Variants in FOXP1 observed in about 807,000 individuals in gnomAD.
FOXP1 encodes the protein forkhead box protein P1.
FOXP1 carries 15 observed loss-of-function variants against 98.2 expected under a neutral mutation model. That is an observed-to-expected ratio of 0.15 (90% CI 0.10 to 0.24). The LOEUF (loss-of-function observed/expected upper bound fraction) is 0.24. Among genes scored for constraint, FOXP1 ranks in the 10% least tolerant of loss-of-function variants. The probability of loss-of-function intolerance (pLI) is 1.00; values close to 1 mark genes in which losing one functional copy is unlikely to be tolerated. For synonymous variants in FOXP1, 371 were observed against 314.5 expected (o/e 1.18, Z -1.90); for missense variants, 633 against 848.5 (o/e 0.75, Z 3.15).
intron 6 of FOXP1, among the ~76,000 whole-genome samples, chr3:71,135,988 C>T (rs1388582236): frequency 6.6e-6 from 1 of 152,190 alleles, no homozygotes; most frequent in Non-Finnish European, 1.5e-5. Flanking sequence ...CCCAAGCTCC[C>T]GTTCTGCCTT....
intron 5 of FOXP1, among the ~76,000 whole-genome samples, chr3:71,284,729 A>C (rs747421733): frequency 6.6e-6 from 1 of 152,114 alleles, no homozygotes; most frequent in African/African-American, 2.4e-5. Flanking sequence ...AGAACACTTC[A>C]TGACACAGGA....
intron 6 of FOXP1, among the ~76,000 whole-genome samples, chr3:71,138,170 TG>T (rs1417099795): frequency 2.0e-5 from 3 of 152,176 alleles, no homozygotes; most frequent in African/African-American, 7.2e-5. Flanking sequence ...GTGCGCAGAA[TG>T]GTGACGCTGT....
At chr3:71,302,451 G>C (rs1285468430) in intron 4 of FOXP1, among the ~76,000 whole-genome samples, 2 of 146,126 alleles carry the variant, frequency 1.4e-5, no homozygotes, top group Non-Finnish European at 3.0e-5. Context: ...CTATTTACCT[G>C]TATGCTTACT....
At chr3:71,270,213 G>A (rs1274758137) in intron 5 of FOXP1, among the ~76,000 whole-genome samples, 1 of 152,172 alleles carries the variant, frequency 6.6e-6, no homozygotes, top group Admixed American at 6.5e-5. Context: ...CTGATTAAAT[G>A]GGGCTCTTAA....
chr3:71,267,084 T>G (rs905447322), intron 5 of FOXP1, among the ~76,000 whole-genome samples: 1 of 151,908 alleles, frequency 6.6e-6, no homozygotes, highest in Non-Finnish European at 1.5e-5. Context: ...GAATAAATCC[T>G]GTGAGTCACA....
At position 71,191,926 on chromosome 3, in the gene FOXP1, G is replaced by A. The variant is rs561707518; in HGVS notation, c.180+6276C>T. The stretch of plus-strand genomic sequence containing the variant: ...TTTTCACGTTATTTGAACTATGCAA[G>A]GTCTTCAATAAAAGTGTATCTCAGC... On this transcript the variant is annotated intron_variant, in intron 6 of 20. Transcript: ENST00000649528. Among the ~76,000 whole-genome samples the A allele has an allele frequency of 7.2e-5, 11 of 152,270 alleles. No homozygotes were observed. The East Asian group carries it at 1.3e-3, about 19-fold the overall frequency.
chr3:71,112,272 C>T (rs995817936), intron 7 of FOXP1, among the ~76,000 whole-genome samples: 5 of 152,202 alleles, frequency 3.3e-5, no homozygotes, highest in Admixed American at 2.0e-4. Flanking sequence ...TGGTAACCTA[C>T]ACTGCCTATT....
chr3:71,066,037 C>G (rs1382908570), intron 7 of FOXP1, among the ~76,000 whole-genome samples: 1 of 102,294 alleles, frequency 9.8e-6, no homozygotes, highest in Non-Finnish European at 1.9e-5. Context: ...TTCTTTTTCT[C>G]AAAATATTAG....
intron 17 of FOXP1, 70 bp from the exon 18 acceptor site, chr3:70,972,746 T>A (rs2036537250): frequency 8.6e-6 from 13 of 1,514,334 alleles, no homozygotes; most frequent in Non-Finnish European, 1.2e-5. Context: ...AGCAGTAAAT[T>A]CAGCCTAACA....
chr3:71,173,786 C>A (rs2061775726), intron 6 of FOXP1, among the ~76,000 whole-genome samples: 1 of 152,130 alleles, frequency 6.6e-6, no homozygotes, highest in Admixed American at 6.5e-5. Flanking sequence ...CTCTTTCCAA[C>A]AGCATTCAAG....
At chr3:70,981,988 G>A (rs1425863276) in intron 14 of FOXP1, among the ~76,000 whole-genome samples, 1 of 152,112 alleles carries the variant, frequency 6.6e-6, no homozygotes, top group Non-Finnish European at 1.5e-5. Flanking sequence ...CTTGTCAACT[G>A]GTACAGAAGT....
chr3:71,472,416 GA>G (rs140454620), intron 3 of FOXP1, among the ~76,000 whole-genome samples: 299 of 150,708 alleles, frequency 2.0e-3, no homozygotes, highest in African/African-American at 6.9e-3. Context: ...TAGAAGTTCT[GA>G]AAATATGTAA....
At chr3:71,349,621 G>T (rs2077643849) in intron 4 of FOXP1, among the ~76,000 whole-genome samples, 1 of 147,346 alleles carries the variant, frequency 6.8e-6, no homozygotes, top group African/African-American at 2.4e-5. Flanking sequence ...AATTTTTAAG[G>T]TGTAAGTAAC....
chr3:71,399,975 C>CA (rs761581071), intron 3 of FOXP1, among the ~76,000 whole-genome samples: 1 of 152,130 alleles, frequency 6.6e-6, no homozygotes. Flanking sequence ...AACCCAGAGA[C>CA]AAAAAATTGA....
intron 6 of FOXP1, among the ~76,000 whole-genome samples, chr3:71,126,349 C>T (rs932088021): frequency 2.1e-5 from 3 of 141,108 alleles, no homozygotes; most frequent in East Asian, 2.3e-4. Flanking sequence ...ATTAGCCAGG[C>T]GTGGTGGCAG....
intron 5 of FOXP1, among the ~76,000 whole-genome samples, chr3:71,267,077 T>A (rs1382753179): frequency 6.6e-6 from 1 of 151,840 alleles, no homozygotes; most frequent in Non-Finnish European, 1.5e-5. Context: ...ATGTTTTGAA[T>A]AAATCCTGTG....
chr3:71,462,831 T>C (rs941329215), intron 3 of FOXP1, among the ~76,000 whole-genome samples: 2 of 152,222 alleles, frequency 1.3e-5, no homozygotes, highest in Non-Finnish European at 2.9e-5. Context: ...GCCACATATA[T>C]ATTGCTGACT....
chr3:71,147,741 T>C (rs895711481), intron 6 of FOXP1, among the ~76,000 whole-genome samples: 1 of 152,148 alleles, frequency 6.6e-6, no homozygotes, highest in Non-Finnish European at 1.5e-5. Context: ...GAATAAATGA[T>C]CATACCAAGG....
chr3:71,048,410 C>T (rs1053014046), intron 9 of FOXP1, among the ~76,000 whole-genome samples: 9 of 152,178 alleles, frequency 5.9e-5, no homozygotes, highest in South Asian at 2.1e-4. Flanking sequence ...GGTTTCCTTT[C>T]GGTCTTCATG....
Sources: gnomAD v4.1 joint callset for allele counts (sites outside exome capture counted in the v4.1 genomes callset) on GRCh38, gnomAD v4.1.1 for gene constraint, MANE v1.5 for transcripts, NCBI Gene and HGNC (gene_info 2026-07-23, HGNC 2026-07-21) for gene names.